The following PIK3C2A variants were observed in gnomAD, a reference collection of about 807,000 sequenced individuals.
PIK3C2A encodes the protein phosphatidylinositol-4-phosphate 3-kinase catalytic subunit type 2 alpha.
A neutral mutation model predicts 204.5 loss-of-function variants in PIK3C2A; 97 were observed. The ratio of observed to expected loss-of-function variants is 0.47; its 90% confidence interval spans 0.40 to 0.56. PIK3C2A has a LOEUF of 0.56. PIK3C2A is among the 20% of genes least tolerant of loss of function. PIK3C2A has a pLI of 0.00. For missense variants in PIK3C2A, 1,735 were observed against 1,969.2 expected, an observed-to-expected ratio of 0.88 and a Z score of 2.25; for synonymous variants, 653 against 664.4, an observed-to-expected ratio of 0.98 and a Z score of 0.26.
chr11:17,123,390 A>G (rs1026986709), intron 13 of PIK3C2A, among the ~76,000 whole-genome samples: 1 of 150,268 alleles, frequency 6.7e-6, no homozygotes, highest in Non-Finnish European at 1.5e-5. Context: ...CTAGGACTAT[A>G]GGCACGTGGC....
chr11:17,124,832 C>A (rs748281341), intron 13 of PIK3C2A, among the ~76,000 whole-genome samples: 9 of 152,162 alleles, frequency 5.9e-5, no homozygotes, highest in Non-Finnish European at 1.3e-4. Context: ...TGATACCAGG[C>A]CTTTTGTTCT....
At chr11:17,118,130 G>T (rs575330134) in intron 18 of PIK3C2A, among the ~76,000 whole-genome samples, 1 of 148,720 alleles carries the variant, frequency 6.7e-6, no homozygotes, top group Admixed American at 6.7e-5. Context: ...GGAGTCCAGT[G>T]GCATGACCTT....
At chr11:17,118,779 C>T (rs1193513352) in intron 17 of PIK3C2A, 40 bp from the exon 18 acceptor site, 1 of 930,688 alleles carries the variant, frequency 1.1e-6, no homozygotes. Context: ...TGGTCTAACC[C>T]ATACTAAATT....
In PIK3C2A at chr11:17,117,543, A is replaced by T; in HGVS notation, c.3164T>A (p.Leu1055His). 6.2e-7 allele frequency: 1 copy of T among 1,613,964 alleles called. No homozygotes were observed. Among genetic ancestry groups the T allele is most frequent in the Non-Finnish European group, 8.5e-7 (1 of 1,179,932 alleles). Residue 1055 changes from leucine to histidine, a missense_variant, in exon 19 of 33, where the codon CTT becomes CAT. This residue lies in a region of PIK3C2A where 567 missense variants were observed against 576.0 expected (regional missense o/e 0.98). Transcript: ENST00000691414. ...TACTTTTTCTGCTACTCCTCCTAAA[A>T]GCTGTACAAGTTTCGTCTGTTTTAG... ...ELLKQTKLVQ[L>H]LGGVAEKVRQ...
At chr11:17,123,289 C>A (rs897545964) in intron 13 of PIK3C2A, among the ~76,000 whole-genome samples, 1 of 151,990 alleles carries the variant, frequency 6.6e-6, no homozygotes, top group Non-Finnish European at 1.5e-5. Flanking sequence ...TTGCTGTCAC[C>A]CAGACTGGAG....
At chr11:17,136,362 T>C (rs916724604) in intron 9 of PIK3C2A, 120 bp downstream of exon 9, 6 of 760,268 alleles carry the variant, frequency 7.9e-6, no homozygotes, top group African/African-American at 1.8e-5. Flanking sequence ...AAGTAAGTGA[T>C]TCAACCCAAA....
chr11:17,173,412 G>C (rs965415756), intron 1 of PIK3C2A, among the ~76,000 whole-genome samples: 1 of 152,182 alleles, frequency 6.6e-6, no homozygotes, highest in Admixed American at 6.6e-5. Flanking sequence ...TATAAGCCTG[G>C]CCCTGCTGTG....
chr11:17,199,787 T>TACA (rs1852300805), intron 1 of PIK3C2A, among the ~76,000 whole-genome samples: 1 of 151,322 alleles, frequency 6.6e-6, no homozygotes, highest in Non-Finnish European at 1.5e-5. Flanking sequence ...TAGCTGGGCG[T>TACA]GGTGGTACAT....
intron 13 of PIK3C2A, among the ~76,000 whole-genome samples, chr11:17,128,205 C>A (rs1231475321): frequency 6.8e-6 from 1 of 147,550 alleles, no homozygotes; most frequent in African/African-American, 2.5e-5. Context: ...GGCTTCTTGA[C>A]TACAAAGCTT....
At chr11:17,117,446 T>TATTAATTTATTAATTAGTTG in intron 19 of PIK3C2A, 45 bp downstream of exon 19, 1 of 1,354,782 alleles carries the variant, frequency 7.4e-7, no homozygotes, top group Non-Finnish European at 1.0e-6. Context: ...TAAAGATCCT[T>TATTAATTTATTAATTAGTTG]CCTTTAACAT....
chr11:17,164,937 T>C (rs1333443019), intron 2 of PIK3C2A, among the ~76,000 whole-genome samples: 2 of 152,088 alleles, frequency 1.3e-5, no homozygotes, highest in Non-Finnish European at 2.9e-5. Context: ...CTGTGACAAA[T>C]ATTTTAAATA....
At chr11:17,106,642 A>G (rs548947744) in intron 22 of PIK3C2A, among the ~76,000 whole-genome samples, 162 of 152,188 alleles carry the variant, frequency 1.1e-3, no homozygotes, top group African/African-American at 3.7e-3. Flanking sequence ...GGGTTTCACC[A>G]TGTTGGCCAG....
At chr11:17,207,273 A>T (rs1852613741) in intron 1 of PIK3C2A, among the ~76,000 whole-genome samples, 1 of 152,176 alleles carries the variant, frequency 6.6e-6, no homozygotes, top group Non-Finnish European at 1.5e-5. Flanking sequence ...TACACACTGA[A>T]AGAATAGTGT....
At chr11:17,091,117 G>A (rs1397675544) in intron 32 of PIK3C2A, among the ~76,000 whole-genome samples, 2 of 152,000 alleles carry the variant, frequency 1.3e-5, no homozygotes, top group Non-Finnish European at 2.9e-5. Context: ...ACTGGGGCCT[G>A]TTGGGGGATG....
At chr11:17,120,030 CAAT>C (rs1849323451) in intron 15 of PIK3C2A, 56 bp from the exon 16 acceptor site, 2 of 702,354 alleles carry the variant, frequency 2.8e-6, no homozygotes, top group African/African-American at 1.9e-5. Context: ...GATATAATCT[CAAT>C]GATTAAAAAT....
intron 1 of PIK3C2A, among the ~76,000 whole-genome samples, chr11:17,198,537 T>G (rs1308428124): frequency 6.6e-6 from 1 of 152,178 alleles, no homozygotes; most frequent in Non-Finnish European, 1.5e-5. Flanking sequence ...TAGCATATAA[T>G]AGCGATTTTA....
In PIK3C2A at chr11:17,193,916, A is replaced by AGAAAAGAAAC. The variant is rs1565305968; in HGVS notation, c.-66+13931_-66+13932insGTTTCTTTTC. ...AGAAAAGAAAAGAAAAGAAAAGAAAAGAAACCCCGATCACAAAGATATGAC... is the reference window on the plus strand; with the variant it reads ...AGAAAAGAAAAGAAAAGAAAAGAAAAGAAAAGAAACGAAACCCCGATCACAAAGATATGAC... On this transcript the variant is annotated intron_variant, in intron 1 of 32. Transcript: ENST00000691414. The AGAAAAGAAAC allele has an allele frequency of 3.3e-5, 9 of 273,556 alleles. No individual in the cohort carries two copies. The Admixed American group carries it at 4.4e-4, about 13-fold the overall frequency. 16.9% of individuals were successfully genotyped at this position (273,556 alleles called of 1,614,324 possible).
intron 32 of PIK3C2A, 94 bp from the exon 33 acceptor site, chr11:17,090,014 A>G (rs764837765): frequency 3.7e-5 from 33 of 897,164 alleles, no homozygotes; most frequent in Middle Eastern, 3.1e-4. Context: ...TATTAGCCAA[A>G]GAGTGACCAC....
At position 17,129,375 on chromosome 11, in the gene PIK3C2A, G is replaced by T; in HGVS notation, c.2324C>A (p.Ser775Tyr). The T allele has an allele frequency of 1.2e-6, 2 of 1,612,316 alleles. No individual in the cohort carries two copies. The highest frequency in any genetic ancestry group is 8.5e-7 in the Non-Finnish European group (1 of 1,178,386). Residue 775 changes from serine (S) to tyrosine (Y), a missense_variant, in exon 13 of 33, where the codon TCC becomes TAC. Transcript: ENST00000691414. ...FGILNQSSGSSPDSNKQRKGP... is the reference protein window; with the variant it reads ...FGILNQSSGSYPDSNKQRKGP... ...CTTTCTCTGCTTATTAGAATCAGGG[G>T]AACTTCCACTGCTCTGATTTAAAAT...
Sources: allele counts gnomAD v4.1 joint callset (sites outside exome capture counted in the v4.1 genomes callset), GRCh38; gene constraint gnomAD v4.1.1; regional missense constraint gnomAD v4.1.1; transcripts MANE v1.5; gene names NCBI Gene and HGNC (gene_info 2026-07-23, HGNC 2026-07-21).